OPCML: variants seen among roughly 807,000 people sequenced by gnomAD.
The protein encoded by OPCML is opioid-binding protein/cell adhesion molecule.
In OPCML, 13 loss-of-function variants were observed where a neutral mutation model predicts 37.8. The ratio of observed to expected loss-of-function variants is 0.34; its 90% CI spans 0.22 to 0.55. OPCML has a LOEUF of 0.55. OPCML is among the 20% of genes least tolerant of loss of function. The pLI is 0.91. For synonymous variants in OPCML, 176 were observed against 168.8 expected, an observed-to-expected ratio of 1.04 and a Z score of -0.33; for missense variants, 341 against 435.6, an observed-to-expected ratio of 0.78 and a Z score of 1.93.
intron 2 of OPCML, among the ~76,000 whole-genome samples, chr11:132,898,582 T>C (rs1943934320): frequency 6.6e-6 from 1 of 152,184 alleles, no homozygotes; most frequent in South Asian, 2.1e-4. Context: ...GGCAAGGTTT[T>C]CCAGAAGGCT....
chr11:133,194,180 T>C (rs1190491192), intron 1 of OPCML, among the ~76,000 whole-genome samples: 2 of 150,508 alleles, frequency 1.3e-5, no homozygotes, highest in African/African-American at 4.9e-5. Flanking sequence ...ATTCCTTCCC[T>C]TCCCTTCCCT....
chr11:133,363,693 C>T (rs1450307789), intron 1 of OPCML, among the ~76,000 whole-genome samples: 1 of 152,112 alleles, frequency 6.6e-6, no homozygotes. Flanking sequence ...TATGGCAGGG[C>T]CAAAGCGCAG....
chr11:132,771,988 C>A (rs921268404), intron 2 of OPCML: 2 of 152,220 alleles, frequency 1.3e-5, no homozygotes, highest in African/African-American at 2.4e-5. Context: ...TCCCTCTGTT[C>A]TCTGGATTGG....
intron 1 of OPCML, among the ~76,000 whole-genome samples, chr11:133,426,365 G>A (rs1946002173): frequency 6.6e-6 from 1 of 151,872 alleles, no homozygotes; most frequent in African/African-American, 2.4e-5. Context: ...TTGAGACACT[G>A]CAGGAAAAAA....
chr11:132,635,680 T>C (rs1940448698), intron 3 of OPCML, among the ~76,000 whole-genome samples: 1 of 152,210 alleles, frequency 6.6e-6, no homozygotes, highest in Admixed American at 6.5e-5. Context: ...GATCTCAGAT[T>C]GTGCTGTCAT....
At chr11:133,175,429 T>A (rs1004803386) in intron 1 of OPCML, among the ~76,000 whole-genome samples, 3 of 152,040 alleles carry the variant, frequency 2.0e-5, no homozygotes, top group Non-Finnish European at 4.4e-5. Flanking sequence ...ATTAAAGATG[T>A]TTATACCTTA....
chr11:133,087,212 A>G (rs959200761), intron 1 of OPCML, among the ~76,000 whole-genome samples: 4 of 152,228 alleles, frequency 2.6e-5, no homozygotes, highest in Non-Finnish European at 5.9e-5. Context: ...CGTTATATTT[A>G]CCAACATTTT....
At position 132,467,480 on chromosome 11, in the gene OPCML, G is replaced by T. The variant is rs117777509; in HGVS notation, c.506-30121C>A. On this transcript the variant is annotated intron_variant, in intron 4 of 7. Transcript: ENST00000524381. ...ACAAATTGTCTGTACAACTCATTTT[G>T]CCCCTTAATTATATTCCACCTTGTT... Among the ~76,000 whole-genome samples the T allele has an allele frequency of 8.9e-3, 1,351 of 152,308 alleles. 9 individuals are homozygous for T. Among genetic ancestry groups the T allele is most frequent in the Non-Finnish European group, 0.013 (911 of 68,018 alleles).
chr11:133,376,760 T>C (rs1272000098), intron 1 of OPCML, among the ~76,000 whole-genome samples: 1 of 152,202 alleles, frequency 6.6e-6, no homozygotes, highest in Non-Finnish European at 1.5e-5. Context: ...AGTTAGTAAG[T>C]CTAGTGGCCC....
intron 1 of OPCML, among the ~76,000 whole-genome samples, chr11:133,467,949 TC>T (rs1947014448): frequency 6.6e-6 from 1 of 152,180 alleles, no homozygotes; most frequent in African/African-American, 2.4e-5. Context: ...AGTCTTCTCC[TC>T]CTTGGCCACT....
intron 1 of OPCML, among the ~76,000 whole-genome samples, chr11:133,366,652 A>C (rs1007223827): frequency 2.0e-5 from 3 of 151,434 alleles, no homozygotes; most frequent in African/African-American, 7.3e-5. Context: ...AATTAATCTC[A>C]AAAAAAAAGA....
At chr11:132,722,323 T>C (rs544501581) in intron 2 of OPCML, among the ~76,000 whole-genome samples, 1 of 152,054 alleles carries the variant, frequency 6.6e-6, no homozygotes, top group East Asian at 1.9e-4. Context: ...TATAAAGTTG[T>C]TTTTTAGAGG....
At chr11:132,687,207 C>G (rs967829484) in intron 2 of OPCML, among the ~76,000 whole-genome samples, 2 of 151,268 alleles carry the variant, frequency 1.3e-5, no homozygotes, top group African/African-American at 2.4e-5. Context: ...ACCAGGGGAC[C>G]AAATTTTTCT....
chr11:133,207,255 AAG>A (rs1939115720), intron 1 of OPCML, among the ~76,000 whole-genome samples: 1 of 152,048 alleles, frequency 6.6e-6, no homozygotes, highest in South Asian at 2.1e-4. Flanking sequence ...AGCCGAGATC[AAG>A]CCACTGCCCT....
chr11:133,486,875 T>C (rs1320336251), intron 1 of OPCML, among the ~76,000 whole-genome samples: 2 of 147,686 alleles, frequency 1.4e-5, no homozygotes, highest in East Asian at 4.3e-4. Context: ...TTTCCCTCTC[T>C]ATCTCTCCTT....
At chr11:133,116,805 CAT>C (rs1275607238) in intron 1 of OPCML, among the ~76,000 whole-genome samples, 2 of 144,154 alleles carry the variant, frequency 1.4e-5, no homozygotes, top group Admixed American at 6.8e-5. Flanking sequence ...TAAAACTATA[CAT>C]ATATATATAT....
At chr11:133,253,706 C>A (rs1459521853) in intron 1 of OPCML, among the ~76,000 whole-genome samples, 2 of 152,136 alleles carry the variant, frequency 1.3e-5, no homozygotes. Context: ...AATGAATAAG[C>A]AAATAAACAA....
Position 132,749,143 on chromosome 11 carries a change from T to C in OPCML, c.147-91824A>G, listed in dbSNP as rs561975872. Among the ~76,000 whole-genome samples the C allele has an allele frequency of 2.0e-5, 3 of 152,234 alleles. No individual in the cohort carries two copies. In the South Asian group the frequency reaches 6.2e-4, roughly 32 times the overall value. The stretch of plus-strand genomic sequence containing the variant: ...CCCAGACAGCTCTCTCTTTCCACCA[T>C]GTGAGGTTATAACGAGAAGATAGCT... On this transcript the variant is annotated intron_variant, in intron 2 of 7. Transcript: ENST00000524381.
intron 3 of OPCML, among the ~76,000 whole-genome samples, chr11:132,606,923 C>A (rs1455210651): frequency 6.6e-6 from 1 of 152,134 alleles, no homozygotes. Context: ...TTTGGAGAGA[C>A]AGTATGTAGA....
Sources: gnomAD v4.1 joint callset for allele counts (sites outside exome capture counted in the v4.1 genomes callset) on GRCh38, gnomAD v4.1.1 for gene constraint, MANE v1.5 for transcripts, NCBI Gene and HGNC (gene_info 2026-07-23, HGNC 2026-07-21) for gene names.